The following MOB1B variants were observed in gnomAD, a reference collection of about 807,000 sequenced individuals.
MOB1B encodes the protein MOB1 Mps One Binder homolog B.
In MOB1B, 19 loss-of-function variants were observed where a neutral mutation model predicts 24.4. The ratio of observed to expected loss-of-function variants is 0.78; its 90% CI spans 0.54 to 1.14. The LOEUF (loss-of-function observed/expected upper bound fraction) is 1.14. Among genes scored for constraint, MOB1B ranks in the 50% most tolerant of loss-of-function variants. The pLI is 0.00. For synonymous variants in MOB1B, 76 were observed against 82.1 expected (o/e 0.93, Z 0.40); for missense variants, 243 against 259.6 (o/e 0.94, Z 0.44).
chr4:70,908,999 C>T (rs1164382419), intron 1 of MOB1B, among the ~76,000 whole-genome samples: 7 of 149,592 alleles, frequency 4.7e-5, no homozygotes, highest in Admixed American at 2.7e-4. Context: ...TGCAGTGAGC[C>T]GAGATTGTGC....
At chr4:70,928,008 T>C (rs1245683869) in intron 1 of MOB1B, among the ~76,000 whole-genome samples, 1 of 152,186 alleles carries the variant, frequency 6.6e-6, no homozygotes, top group Non-Finnish European at 1.5e-5. Context: ...TTCCTGTTAT[T>C]CTGGCTGTTA....
At chr4:70,924,719 C>T (rs899001953) in intron 1 of MOB1B, among the ~76,000 whole-genome samples, 2 of 152,172 alleles carry the variant, frequency 1.3e-5, no homozygotes, top group Non-Finnish European at 2.9e-5. Context: ...ATCTATGCAT[C>T]TATGAGTGAG....
chr4:70,942,383 AAAGTT>A (rs1247639333), intron 1 of MOB1B, among the ~76,000 whole-genome samples: 1 of 152,062 alleles, frequency 6.6e-6, no homozygotes, highest in Admixed American at 6.6e-5. Context: ...TTTAATAAGT[AAAGTT>A]ATTTCCTAGT....
At chr4:70,975,353 C>T in intron 4 of MOB1B, 67 bp downstream of exon 4, 2 of 1,580,328 alleles carry the variant, frequency 1.3e-6, no homozygotes, top group Non-Finnish European at 1.7e-6. Context: ...GAATTTTCCT[C>T]CCTCTTTCCA....
At chr4:70,956,916 T>C (rs556080621) in intron 1 of MOB1B, among the ~76,000 whole-genome samples, 4 of 152,168 alleles carry the variant, frequency 2.6e-5, no homozygotes, top group Non-Finnish European at 5.9e-5. Context: ...AGATTCTTAC[T>C]TTATTTCAAG....
chr4:70,918,886 C>T (rs1037680555), intron 1 of MOB1B, among the ~76,000 whole-genome samples: 4 of 152,082 alleles, frequency 2.6e-5, no homozygotes, highest in Non-Finnish European at 5.9e-5. Flanking sequence ...GCACTATTCA[C>T]AATAGCAAAG....
Position 70,982,043 on chromosome 4 carries a change from T to A in MOB1B, c.637T>A (p.Ser213Thr), listed in dbSNP as rs780744296. The change falls in exon 6 of 6, where the codon TCA becomes ACA. Residue 213 changes from serine to threonine, a missense_variant. By Grantham distance (58) the Ser-to-Thr change is moderately conservative. Coordinates refer to ENST00000309395, the MANE Select transcript of MOB1B (RefSeq NM_173468.4). The stretch of plus-strand genomic sequence containing the variant: ...CCAAGAACTGATTGAAAAACTCACC[T>A]CAAAAGACAGATAAAAGGATGCAGA... ...PLQELIEKLT[S>T]KDR is the part of the protein sequence containing the mutation. 28 of 1,610,632 alleles carry A rather than the reference T, an allele frequency of 1.7e-5. No individual in the cohort carries two copies. The East Asian group carries it at 6.2e-4, about 36-fold the overall frequency.
intron 5 of MOB1B, among the ~76,000 whole-genome samples, chr4:70,981,426 A>G (rs1739207567): frequency 6.6e-6 from 1 of 152,226 alleles, no homozygotes; most frequent in African/African-American, 2.4e-5. Context: ...GCACAAATTA[A>G]ATTCAGGCTT....
intron 1 of MOB1B, among the ~76,000 whole-genome samples, chr4:70,914,687 TCTC>T (rs1736127918): frequency 6.6e-6 from 1 of 152,230 alleles, no homozygotes; most frequent in Non-Finnish European, 1.5e-5. Context: ...ATTCTAGCCT[TCTC>T]CTTTCCTATG....
intron 1 of MOB1B, among the ~76,000 whole-genome samples, chr4:70,944,867 T>C (rs1408286463): frequency 6.6e-6 from 1 of 152,126 alleles, no homozygotes; most frequent in Non-Finnish European, 1.5e-5. Flanking sequence ...CACCAAGCCA[T>C]GAAGGACCCA....
intron 1 of MOB1B, among the ~76,000 whole-genome samples, chr4:70,951,370 A>G (rs1238864811): frequency 6.6e-6 from 1 of 152,252 alleles, no homozygotes; most frequent in Non-Finnish European, 1.5e-5. Context: ...TTTGCAAAAG[A>G]TAAATCAAAT....
At chr4:70,979,046 A>G (rs1739103977) in intron 4 of MOB1B, 82 bp from the exon 5 acceptor site, 3 of 1,128,108 alleles carry the variant, frequency 2.7e-6, no homozygotes, top group Middle Eastern at 2.1e-4. Context: ...TGTCTTGGTA[A>G]TTTATGTTGA....
intron 2 of MOB1B, among the ~76,000 whole-genome samples, chr4:70,965,530 G>C (rs906411992): frequency 6.6e-6 from 1 of 151,386 alleles, no homozygotes; most frequent in Non-Finnish European, 1.5e-5. Flanking sequence ...GGGCGCGGTG[G>C]CTCACGCCTG....
intron 1 of MOB1B, among the ~76,000 whole-genome samples, chr4:70,907,761 C>T (rs1735806069): frequency 6.6e-6 from 1 of 151,830 alleles, no homozygotes; most frequent in Admixed American, 6.6e-5. Context: ...TGCAGTGAGC[C>T]AAGATTGCAC....
At chr4:70,962,615 A>G (rs1738349291) in intron 2 of MOB1B, among the ~76,000 whole-genome samples, 1 of 152,148 alleles carries the variant, frequency 6.6e-6, no homozygotes, top group Non-Finnish European at 1.5e-5. Context: ...CAGGAGAAAA[A>G]TCTGTGCAAC....
chr4:70,973,898 T>A (rs1317502503), intron 3 of MOB1B, among the ~76,000 whole-genome samples: 1 of 152,164 alleles, frequency 6.6e-6, no homozygotes, highest in Non-Finnish European at 1.5e-5. Context: ...CGAAGATAAT[T>A]TTTATTGTTT....
At chr4:70,925,198 G>A (rs904052066) in intron 1 of MOB1B, among the ~76,000 whole-genome samples, 22 of 152,040 alleles carry the variant, frequency 1.4e-4, no homozygotes, top group Admixed American at 1.2e-3. Flanking sequence ...GTGTGTGCCC[G>A]GCTAATTTTT....
In MOB1B at chr4:70,986,362, C is replaced by T. The variant is rs886192100; in HGVS notation, c.*4305C>T. 6.6e-6 allele frequency: 1 copy of T among 151,848 alleles called. No homozygotes were observed. The highest frequency in any genetic ancestry group is 2.4e-5 in the African/African-American group (1 of 41,368). The allele number at this position is 151,848 out of a possible 1,614,324, so 9.4% of individuals were successfully genotyped here. On this transcript the variant is annotated 3_prime_UTR_variant, in exon 6 of 6. Coordinates refer to ENST00000309395, the MANE Select transcript of MOB1B (RefSeq NM_173468.4). ...AAGAAATAGGAATAAGTTTCATATACTAATTATGCTGAGTTTTAAGCCTAC... is the reference window on the plus strand; with the variant it reads ...AAGAAATAGGAATAAGTTTCATATATTAATTATGCTGAGTTTTAAGCCTAC...
At chr4:70,976,904 G>A (rs1392111810) in intron 4 of MOB1B, among the ~76,000 whole-genome samples, 2 of 151,574 alleles carry the variant, frequency 1.3e-5, no homozygotes, top group Admixed American at 1.3e-4. Flanking sequence ...CTTATACAAG[G>A]AAATGTAAAA....
Sources: allele counts gnomAD v4.1 joint callset (sites outside exome capture counted in the v4.1 genomes callset), GRCh38; gene constraint gnomAD v4.1.1; transcripts MANE v1.5; gene names NCBI Gene and HGNC (gene_info 2026-07-23, HGNC 2026-07-21).